The following RBFOX1 variants were observed in gnomAD, a reference collection of about 807,000 sequenced individuals.
RBFOX1 encodes the protein RNA binding protein fox-1 homolog 1.
A neutral mutation model predicts 57.7 loss-of-function variants in RBFOX1; 8 were observed. The ratio of observed to expected loss-of-function variants is 0.14; its 90% CI spans 0.08 to 0.25. The LOEUF is 0.25. Ranked by LOEUF, RBFOX1 falls within the 10% of genes least tolerant of loss-of-function variation. RBFOX1 has a pLI of 1.00. For missense variants in RBFOX1, 611 were observed against 548.5 expected, an observed-to-expected ratio of 1.11 and a Z score of -1.14; for synonymous variants, 326 against 222.4, an observed-to-expected ratio of 1.47 and a Z score of -4.15.
chr16:5,681,845 G>A (rs1213543919), intron 3 of RBFOX1, among the ~76,000 whole-genome samples: 1 of 152,134 alleles, frequency 6.6e-6, no homozygotes, highest in African/African-American at 2.4e-5. Flanking sequence ...GTGGGGGAGG[G>A]AGAGAGAGGG....
intron 1 of RBFOX1, among the ~76,000 whole-genome samples, chr16:5,456,693 C>G (rs1052529615): frequency 6.6e-6 from 1 of 152,126 alleles, no homozygotes; most frequent in Non-Finnish European, 1.5e-5. Flanking sequence ...GGATACCTCT[C>G]TTCTCTTGAT....
intron 2 of RBFOX1, among the ~76,000 whole-genome samples, chr16:5,566,437 AC>A (rs906961805): frequency 4.1e-4 from 62 of 152,168 alleles, no homozygotes; most frequent in Admixed American, 3.4e-3. Flanking sequence ...GGAAAAAGAG[AC>A]TTTGGAAGTG....
chr16:5,903,232 C>G (rs2058353036), intron 4 of RBFOX1, among the ~76,000 whole-genome samples: 1 of 152,148 alleles, frequency 6.6e-6, no homozygotes, highest in Non-Finnish European at 1.5e-5. Context: ...CTAACACCTG[C>G]CATAATATTC....
At chr16:6,534,671 A>G (rs546664210) in intron 2 of RBFOX1, among the ~76,000 whole-genome samples, 1 of 152,330 alleles carries the variant, frequency 6.6e-6, no homozygotes, top group Admixed American at 6.5e-5. Flanking sequence ...AATCTTGGTT[A>G]TAAAAGTACT....
At position 6,561,420 on chromosome 16, in the gene RBFOX1, G is replaced by A. The variant is rs1160441407; in HGVS notation, c.-63-93183G>A. On this transcript the variant is annotated intron_variant, in intron 2 of 15. Coordinates refer to ENST00000550418, the MANE Select transcript of RBFOX1 (RefSeq NM_018723.4). The stretch of plus-strand genomic sequence containing the variant: ...AACATGTTTTTCAAAATTAGAACGT[G>A]TACCAAATATGTATTTACCCAATAG... Among the ~76,000 whole-genome samples, 16 of 152,310 alleles carry A rather than the reference G, an allele frequency of 1.1e-4. No individual in the cohort carries two copies. In the South Asian group the frequency reaches 3.1e-3, roughly 30 times the overall value.
At chr16:7,202,318 G>A (rs28637321) in intron 4 of RBFOX1, among the ~76,000 whole-genome samples, 6,651 of 145,938 alleles carry the variant, frequency 0.046, 481 homozygotes, top group African/African-American at 0.16. Flanking sequence ...AAAAAAAGAA[G>A]CACAGAAAAC....
At chr16:6,948,871 A>G (rs2080119424) in intron 3 of RBFOX1, among the ~76,000 whole-genome samples, 1 of 152,142 alleles carries the variant, frequency 6.6e-6, no homozygotes, top group Admixed American at 6.5e-5. Flanking sequence ...TAAACCGATT[A>G]CAGTGACCAG....
intron 1 of RBFOX1, among the ~76,000 whole-genome samples, chr16:6,098,392 C>T (rs2096269255): frequency 6.6e-6 from 1 of 152,216 alleles, no homozygotes; most frequent in African/African-American, 2.4e-5. Flanking sequence ...AAGCCTCTTC[C>T]TGTCCTCTCT....
At chr16:6,628,147 A>G (rs1227671583) in intron 2 of RBFOX1, among the ~76,000 whole-genome samples, 1 of 152,184 alleles carries the variant, frequency 6.6e-6, no homozygotes, top group Non-Finnish European at 1.5e-5. Flanking sequence ...TGATACTGGT[A>G]TGGCGTTACC....
intron 1 of RBFOX1, among the ~76,000 whole-genome samples, chr16:5,424,542 T>A (rs1180007622): frequency 6.6e-6 from 1 of 151,930 alleles, no homozygotes; most frequent in Non-Finnish European, 1.5e-5. Flanking sequence ...TTTTTTTTTT[T>A]TAGCGTTTAT....
chr16:7,091,303 A>T (rs2060813048), intron 4 of RBFOX1, among the ~76,000 whole-genome samples: 1 of 150,716 alleles, frequency 6.6e-6, no homozygotes, highest in Non-Finnish European at 1.5e-5. Context: ...TGTTCCATTT[A>T]TTCACTGAAA....
At chr16:6,935,042 G>A (rs1009398998) in intron 3 of RBFOX1, among the ~76,000 whole-genome samples, 2 of 151,870 alleles carry the variant, frequency 1.3e-5, no homozygotes, top group African/African-American at 2.4e-5. Flanking sequence ...AGTGAGACAA[G>A]ATCGTTCCAC....
chr16:7,554,068 C>T (rs2087500295), intron 5 of RBFOX1, among the ~76,000 whole-genome samples: 1 of 152,128 alleles, frequency 6.6e-6, no homozygotes, highest in East Asian at 1.9e-4. Context: ...ATGATCGGAA[C>T]ACTGCACTCC....
chr16:6,468,162 C>G (rs10521040), intron 2 of RBFOX1, among the ~76,000 whole-genome samples: 17,866 of 152,126 alleles, frequency 0.12, 1,303 homozygotes, highest in African/African-American at 0.19. Context: ...ATTCTAACAC[C>G]TCCAGTATAA....
intron 3 of RBFOX1, among the ~76,000 whole-genome samples, chr16:7,029,147 T>C (rs578001735): frequency 3.5e-5 from 3 of 86,070 alleles, no homozygotes; most frequent in South Asian, 5.7e-4. Flanking sequence ...TATGTGTATA[T>C]ATGTATATAT....
In RBFOX1 at chr16:6,151,133, T is replaced by C. The variant is rs138953909; in HGVS notation, c.-127+131141T>C. On this transcript the variant is annotated intron_variant, in intron 1 of 15. Transcript: ENST00000550418. ...CATCATCCCTCCATAAATACATATT[T>C]GCTGAATCTCTTTTCCTCCCTTACT... Among the ~76,000 whole-genome samples, 411 of 152,254 alleles carry C rather than the reference T, an allele frequency of 2.7e-3. 2 individuals are homozygous for C. The highest frequency in any genetic ancestry group is 0.021 in the East Asian group (109 of 5,172).
intron 4 of RBFOX1, among the ~76,000 whole-genome samples, chr16:5,957,328 C>T (rs1377176571): frequency 1.3e-5 from 2 of 152,156 alleles, no homozygotes; most frequent in Non-Finnish European, 2.9e-5. Context: ...GATTCTCTTG[C>T]CTCAGCCTCC....
rs141229037 is a variant in RBFOX1 at position 7,384,761 on chromosome 16, A to T, written c.28-133386A>T. Among the ~76,000 whole-genome samples the T allele has an allele frequency of 2.2e-3, 330 of 152,332 alleles. 1 individual carries two copies. The highest frequency in any genetic ancestry group is 3.3e-3 in the Non-Finnish European group (223 of 68,008). On this transcript the variant is annotated intron_variant, in intron 4 of 15. Coordinates refer to ENST00000550418, the MANE Select transcript of RBFOX1 (RefSeq NM_018723.4). Reference sequence around the variant, plus strand: ...TCTCTCATTCACTCAACAAATATTTATTGAATGCCAACCCTTCTCAGCCGC... The same window carrying T: ...TCTCTCATTCACTCAACAAATATTTTTTGAATGCCAACCCTTCTCAGCCGC...
intron 3 of RBFOX1, among the ~76,000 whole-genome samples, chr16:6,734,898 A>T (rs2069704675): frequency 6.6e-6 from 1 of 152,196 alleles, no homozygotes; most frequent in African/African-American, 2.4e-5. Context: ...GGTTATCAGA[A>T]TGTATTAGGT....
Sources: gnomAD v4.1 joint callset for allele counts (sites outside exome capture counted in the v4.1 genomes callset) on GRCh38, gnomAD v4.1.1 for gene constraint, MANE v1.5 for transcripts, NCBI Gene and HGNC (gene_info 2026-07-23, HGNC 2026-07-21) for gene names.